Variants in GRTP1 observed in about 807,000 individuals in gnomAD.
GRTP1 encodes the protein growth hormone regulated TBC protein 1.
A neutral mutation model predicts 38.1 loss-of-function variants in GRTP1; 56 were observed. The observed-to-expected ratio is 1.47, with a 90% CI of 1.19 to 1.84. GRTP1 has a LOEUF of 1.84. Among genes scored for constraint, GRTP1 ranks in the 40% most tolerant of loss-of-function variants. The pLI, the probability that GRTP1 is intolerant of heterozygous loss-of-function variation, is 0.00. For synonymous variants in GRTP1, 217 were observed against 189.5 expected (o/e 1.14, Z -1.19); for missense variants, 506 against 453.9 (o/e 1.11, Z -1.04).
At position 113,343,009 on chromosome 13, in the gene GRTP1, T is replaced by C. The variant is rs1300974245; in HGVS notation, c.562+1854A>G. On this transcript the variant is annotated intron_variant, in intron 5 of 7. Transcript: ENST00000375431. This position sits in a 1 kb window ranked among gnomAD's most constrained non-coding sequence, Gnocchi z 4.8. ...CTCTCACCTGCTGCTGCTTGAGGTCTGCCCTCCACAAAGACAGGAACTCGT... is the reference window on the plus strand; with the variant it reads ...CTCTCACCTGCTGCTGCTTGAGGTCCGCCCTCCACAAAGACAGGAACTCGT... Among the ~76,000 whole-genome samples, 4 of 152,030 alleles carry C rather than the reference T, an allele frequency of 2.6e-5. No homozygotes were observed. The highest frequency in any genetic ancestry group is 5.9e-5 in the Non-Finnish European group (4 of 68,010).
rs561919092 is a variant in GRTP1 at position 113,345,166 on chromosome 13, G to C, written c.466-207C>G. 8.9e-4 allele frequency among the ~76,000 whole-genome samples: 135 copies of C among 152,314 alleles called. 2 individuals are homozygous for C. The highest frequency in any genetic ancestry group is 3.1e-3 in the African/African-American group (127 of 41,590). On this transcript the variant is annotated intron_variant, in intron 4 of 7. Transcript: ENST00000375431. ...GTGTTTAGTCAAGCTTACGTGAAAA[G>C]TAAAAGCAAAAGGAAACAGTTTAAA...
rs1007300531 is a variant in GRTP1 at position 113,348,078 on chromosome 13, G to C, written c.465+2771C>G. On this transcript the variant is annotated intron_variant, in intron 4 of 7. Coordinates refer to ENST00000375431, the MANE Select transcript of GRTP1 (RefSeq NM_024719.4). This position sits in a 1 kb window ranked among gnomAD's most constrained non-coding sequence, Gnocchi z 4.8. ...TCCGTGGCTGAGAATGGACCCCTTT[G>C]AGTGGACAGTGCTACTGGACCTGGG... Among the ~76,000 whole-genome samples the C allele has an allele frequency of 2.6e-5, 4 of 152,190 alleles. No homozygotes were observed. The highest frequency in any genetic ancestry group is 9.7e-5 in the African/African-American group (4 of 41,438).
chr13:113,326,392 C>T lies in GRTP1; in HGVS notation c.563-301G>A, dbSNP rs962462536. On this transcript the variant is annotated intron_variant, in intron 5 of 7. Transcript: ENST00000375431. ...GGTGGCGCGGTGGGGGGGGGGGGGG[C>T]GGGAGCGTGGCTCACACCTGTAATC... 3.6e-3 allele frequency among the ~76,000 whole-genome samples: 15 copies of T among 4,172 alleles called. 1 individual carries two copies. The East Asian group carries it at 0.082, about 23-fold the overall frequency. The allele number at this position is 4,172 out of a possible 152,430, so 2.7% of individuals were successfully genotyped here. A position where few individuals can be genotyped will look rare whatever the true frequency, so the allele number is the denominator to read the frequency against.
chr13:113,327,173 G>A (rs1595471624), intron 5 of GRTP1, among the ~76,000 whole-genome samples: 1 of 152,302 alleles, frequency 6.6e-6, no homozygotes, highest in East Asian at 1.9e-4. Flanking sequence ...TTCATGTAAT[G>A]AGTTATAGTA....
chr13:113,346,018 GAGCAGA>G, intron 4 of GRTP1, among the ~76,000 whole-genome samples: 3 of 91,430 alleles, frequency 3.3e-5, no homozygotes, highest in East Asian at 3.3e-4. Flanking sequence ...CTCTGCGGCT[GAGCAGA>G]CCTGGGAAGA....
chr13:113,361,846 GAC>G (rs1346979873), intron 2 of GRTP1: 1 of 152,158 alleles, frequency 6.6e-6, no homozygotes, highest in Admixed American at 6.5e-5. Context: ...AAAATTAAAA[GAC>G]AGTTAACTTT....
At chr13:113,358,398 A>G (rs923830938) in intron 2 of GRTP1, among the ~76,000 whole-genome samples, 2 of 152,210 alleles carry the variant, frequency 1.3e-5, no homozygotes, top group African/African-American at 4.8e-5. Flanking sequence ...AGTTCTTCCA[A>G]AGTTGATCTA....
At chr13:113,356,054 AAG>A (rs1220140290) in intron 2 of GRTP1, among the ~76,000 whole-genome samples, 1 of 51,798 alleles carries the variant, frequency 1.9e-5, no homozygotes, top group East Asian at 1.8e-3. Context: ...TAGGGACAGA[AAG>A]AAGCCAAAAG....
chr13:113,345,958 A>G lies in GRTP1; in HGVS notation c.466-999T>C, dbSNP rs182330622. 4.0e-3 allele frequency among the ~76,000 whole-genome samples: 597 copies of G among 151,046 alleles called. 1 individual carries two copies. Among genetic ancestry groups the G allele is most frequent in the African/African-American group, 0.012 (495 of 40,896 alleles). On this transcript the variant is annotated intron_variant, in intron 4 of 7. Coordinates refer to ENST00000375431, the MANE Select transcript of GRTP1 (RefSeq NM_024719.4). ...AAATGCTGGGAAGACCTCTGTGGCC[A>G]AAAGCAGACCCAGGAGGACTTTTGT...
chr13:113,343,483 T>C lies in GRTP1; in HGVS notation c.562+1380A>G, dbSNP rs568032491. ...CCCTTGGGTTGAGGGTGGCGCTGAT[T>C]CCTCCCTGCCCTTAATGATGCACTT... On this transcript the variant is annotated intron_variant, in intron 5 of 7. Transcript: ENST00000375431. This position sits in a 1 kb window ranked among gnomAD's most constrained non-coding sequence, Gnocchi z 4.8. Among the ~76,000 whole-genome samples the C allele has an allele frequency of 6.6e-6, 1 of 152,254 alleles. No individual in the cohort carries two copies. The highest frequency in any genetic ancestry group is 1.9e-4 in the East Asian group (1 of 5,176).
At chr13:113,360,055 G>A (rs1408395713) in intron 2 of GRTP1, 1 of 152,132 alleles carries the variant, frequency 6.6e-6, no homozygotes, top group Non-Finnish European at 1.5e-5. Context: ...CAGTTTTTCG[G>A]TGTATCTTTG....
At chr13:113,334,319 C>T (rs1466936534) in intron 5 of GRTP1, among the ~76,000 whole-genome samples, 2 of 152,122 alleles carry the variant, frequency 1.3e-5, no homozygotes, top group Non-Finnish European at 2.9e-5. Context: ...GACAGCCTCC[C>T]GCTGGCCTGT....
At chr13:113,328,691 T>A (rs940943963) in intron 5 of GRTP1, among the ~76,000 whole-genome samples, 13 of 152,220 alleles carry the variant, frequency 8.5e-5, no homozygotes, top group African/African-American at 3.1e-4. Context: ...AGCTAATTTT[T>A]AAATATTTTT....
At chr13:113,351,323 G>C (rs75384758) in intron 3 of GRTP1, among the ~76,000 whole-genome samples, 2 of 152,222 alleles carry the variant, frequency 1.3e-5, no homozygotes, top group Non-Finnish European at 2.9e-5. Context: ...CGCGCGTAGC[G>C]GAGGCAACTC....
At position 113,351,017 on chromosome 13, in the gene GRTP1, C is replaced by T. The variant is rs753685456; in HGVS notation, c.341-44G>A. ...GAATCACCCACGGGTTTCTGTTCCACAAGCCTCCCACCCCTCCAGCTGCCC... is the reference window on the plus strand; with the variant it reads ...GAATCACCCACGGGTTTCTGTTCCATAAGCCTCCCACCCCTCCAGCTGCCC... On this transcript the variant is annotated intron_variant, in intron 3 of 7. Transcript: ENST00000375431. The T allele has an allele frequency of 3.2e-5, 51 of 1,609,464 alleles. No individual in the cohort carries two copies. The South Asian group carries it at 5.3e-4, about 17-fold the overall frequency.
rs763460051 is a variant in GRTP1 at position 113,355,422 on chromosome 13, G to T, written c.241C>A (p.Leu81Met). 43 of 1,613,974 alleles carry T rather than the reference G, an allele frequency of 2.7e-5. No individual in the cohort carries two copies. The highest frequency in any genetic ancestry group is 3.6e-5 in the Non-Finnish European group (42 of 1,180,016). ...TCCATCTGCGCCTGGGCCCCACTCA[G>T]CACCATCCAGACGCGGGCACGGTGC... Reference protein sequence around the residue: ...LEHRARVWMVLSGAQAQMDQN... With the variant: ...LEHRARVWMVMSGAQAQMDQN... Residue 81 changes from leucine (L) to methionine (M), a missense_variant, in exon 3 of 8, where the codon CTG becomes ATG. By Grantham distance (15) the Leu-to-Met change is conservative. Coordinates refer to ENST00000375431, the MANE Select transcript of GRTP1 (RefSeq NM_024719.4).
chr13:113,345,258 T>TAAG (rs1420159391), intron 4 of GRTP1, among the ~76,000 whole-genome samples: 1 of 152,268 alleles, frequency 6.6e-6, no homozygotes, highest in African/African-American at 2.4e-5. Context: ...AGAACATAAC[T>TAAG]TACCATTGCT....
intron 5 of GRTP1, among the ~76,000 whole-genome samples, chr13:113,329,704 A>G (rs1221492098): frequency 6.6e-6 from 1 of 152,276 alleles, no homozygotes; most frequent in African/African-American, 2.4e-5. Flanking sequence ...AAGTGTTTCT[A>G]AAATAGCTGC....
chr13:113,352,337 T>TTATATATATTTTATA (rs2043295719), intron 3 of GRTP1, among the ~76,000 whole-genome samples: 66 of 51,550 alleles, frequency 1.3e-3, no homozygotes, highest in African/African-American at 4.7e-3. Context: ...TATATATATT[T>TTATATATATTTTATA]TATATATATA....
Sources: gnomAD v4.1 joint callset for allele counts (sites outside exome capture counted in the v4.1 genomes callset) on GRCh38, gnomAD v4.1.1 for gene constraint, Gnocchi (gnomAD v3.1) non-coding constraint, MANE v1.5 for transcripts, NCBI Gene and HGNC (gene_info 2026-07-23, HGNC 2026-07-21) for gene names.